EIPR1: variants seen among roughly 807,000 people sequenced by gnomAD.
EIPR1 encodes the protein EARP and GARP complex-interacting protein 1.
EIPR1 carries 25 observed loss-of-function variants against 48.1 expected under a neutral mutation model. The ratio of observed to expected loss-of-function variants is 0.52; its 90% CI spans 0.38 to 0.73. The LOEUF (loss-of-function observed/expected upper bound fraction) is 0.73. Ranked by LOEUF, EIPR1 falls within the 30% of genes least tolerant of loss-of-function variation. EIPR1 has a pLI of 0.00. For missense variants in EIPR1, 415 were observed against 506.2 expected (o/e 0.82, Z 1.73); for synonymous variants, 204 against 201.9 (o/e 1.01, Z -0.09).
At chr2:3,350,465 G>A (rs1194986712) in intron 2 of EIPR1, among the ~76,000 whole-genome samples, 1 of 152,100 alleles carries the variant, frequency 6.6e-6, no homozygotes, top group Non-Finnish European at 1.5e-5. Flanking sequence ...TGAGATTTGG[G>A]TATGGACACA....
In EIPR1 at chr2:3,189,524, G is replaced by A; in HGVS notation, c.990-16C>T. ...CTCCTTGCTCCTGCAATGCAACAGA[G>A]GCAGACGTGAGCGCAGCAGCTCCGG... is the stretch of plus-strand genomic sequence containing the variant. On this transcript the variant is annotated splice_polypyrimidine_tract_variant and intron_variant, in intron 8 of 8. Transcript: ENST00000382125. The surrounding 1 kb of genome is among the most constrained non-coding windows in gnomAD (Gnocchi z 4.6). 1.3e-6 allele frequency: 2 copies of A among 1,540,876 alleles called. No individual in the cohort carries two copies. Among genetic ancestry groups the A allele is most frequent in the Non-Finnish European group, 8.8e-7 (1 of 1,132,778 alleles).
chr2:3,354,621 T>C lies in EIPR1; in HGVS notation c.55A>G (p.Thr19Ala). The C allele has an allele frequency of 1.2e-6, 2 of 1,614,132 alleles. No homozygotes were observed. The highest frequency in any genetic ancestry group is 1.1e-5 in the South Asian group (1 of 91,080). The change falls in exon 2 of 9, where the codon ACA becomes GCA. Residue 19 changes from threonine to alanine, a missense_variant. Physicochemically the swap from Thr to Ala is moderately conservative, Grantham distance 58. Transcript: ENST00000382125. ...GCATCTGTTTCTGCAGTTTGAGGTG[T>C]TAAGGCACGTGCCTGCAGGAGGGAA... ...YGLEFQARAL[T>A]PQTAETDAIR... is the part of the protein sequence containing the mutation.
chr2:3,319,415 C>G (rs1013788788), intron 3 of EIPR1: 1 of 178,826 alleles, frequency 5.6e-6, no homozygotes, highest in Non-Finnish European at 1.2e-5. Flanking sequence ...CATGAGCACT[C>G]GATGGGAGCT....
At chr2:3,360,320 C>A (rs1670821822) in intron 1 of EIPR1, among the ~76,000 whole-genome samples, 1 of 151,692 alleles carries the variant, frequency 6.6e-6, no homozygotes, top group Non-Finnish European at 1.5e-5. Context: ...AGGAGAATTG[C>A]TTGAACCAGG....
chr2:3,348,811 C>A (rs1272004795), intron 2 of EIPR1, among the ~76,000 whole-genome samples: 2 of 152,244 alleles, frequency 1.3e-5, no homozygotes, highest in Non-Finnish European at 2.9e-5. Context: ...CCCAGGAGAG[C>A]TGGAGCTCCA....
At chr2:3,282,070 G>C (rs761031021) in intron 3 of EIPR1, among the ~76,000 whole-genome samples, 1 of 152,244 alleles carries the variant, frequency 6.6e-6, no homozygotes, top group Non-Finnish European at 1.5e-5. Context: ...TCACTGATGA[G>C]AGCCAGTTGG....
chr2:3,193,069 G>A (rs779614423), intron 7 of EIPR1, among the ~76,000 whole-genome samples: 3 of 152,180 alleles, frequency 2.0e-5, no homozygotes, highest in Admixed American at 2.0e-4. Context: ...GGGTCCTAGA[G>A]CCTGGGAGCT....
chr2:3,302,775 C>T (rs900478615), intron 3 of EIPR1, among the ~76,000 whole-genome samples: 1 of 152,214 alleles, frequency 6.6e-6, no homozygotes, highest in Admixed American at 6.5e-5. Flanking sequence ...TCCCATCAGA[C>T]GACAGGCTCC....
intron 3 of EIPR1, among the ~76,000 whole-genome samples, chr2:3,263,640 C>T (rs1034994428): frequency 4.5e-4 from 68 of 152,058 alleles, no homozygotes; most frequent in African/African-American, 1.6e-3. Context: ...GTGCGGCCAG[C>T]GCCCTCCCCA....
intron 4 of EIPR1, among the ~76,000 whole-genome samples, chr2:3,228,841 C>T (rs1666149967): frequency 6.6e-6 from 1 of 152,168 alleles, no homozygotes; most frequent in African/African-American, 2.4e-5. Flanking sequence ...GAAGAAGGTG[C>T]CTGCTTCTTC....
chr2:3,199,192 C>T (rs1039320361), intron 5 of EIPR1, among the ~76,000 whole-genome samples: 9 of 152,048 alleles, frequency 5.9e-5, no homozygotes, highest in Admixed American at 3.3e-4. Context: ...CTGTTCCACC[C>T]GGCTCCCAGG....
intron 3 of EIPR1, among the ~76,000 whole-genome samples, chr2:3,336,565 C>A (rs999935945): frequency 6.6e-6 from 1 of 152,062 alleles, no homozygotes; most frequent in Non-Finnish European, 1.5e-5. Flanking sequence ...GTCAAAAGTT[C>A]GAGACCAGCC....
chr2:3,371,751 A>G lies in EIPR1; in HGVS notation c.42+5897T>C, dbSNP rs552919936. On this transcript the variant is annotated intron_variant, in intron 1 of 8. Coordinates refer to ENST00000382125, the MANE Select transcript of EIPR1 (RefSeq NM_003310.5). ...ATAAAGTAAGTCCTGAGTGACCTAC[A>G]AAGAGACTTAGACTCCCACACAATA... Among the ~76,000 whole-genome samples, 4 of 152,306 alleles carry G rather than the reference A, an allele frequency of 2.6e-5. No individual in the cohort carries two copies. The South Asian group carries it at 8.3e-4, about 32-fold the overall frequency.
chr2:3,243,671 T>A (rs55800610), intron 4 of EIPR1, among the ~76,000 whole-genome samples: 10,169 of 152,102 alleles, frequency 0.067, 348 homozygotes, highest in African/African-American at 0.074. Context: ...AAATTTTTTT[T>A]AAAAATTTAA....
At chr2:3,246,981 G>GGAGGGAGGGAGGGAGA (rs1666836057) in intron 4 of EIPR1, among the ~76,000 whole-genome samples, 4 of 210 alleles carry the variant, frequency 0.019, no homozygotes, top group Non-Finnish European at 0.032. Context: ...AAGGAGGGAG[G>GGAGGGAGGGAGGGAGA]GAGGGAGGGA....
Position 3,208,532 on chromosome 2 carries a change from C to T in EIPR1, c.516+5617G>A, listed in dbSNP as rs754523505. 895 of 1,547,580 alleles carry T rather than the reference C, an allele frequency of 5.8e-4. 1 individual carries two copies. The highest frequency in any genetic ancestry group is 6.4e-4 in the Non-Finnish European group (728 of 1,144,562). On this transcript the variant is annotated intron_variant, in intron 5 of 8. Coordinates refer to ENST00000382125, the MANE Select transcript of EIPR1 (RefSeq NM_003310.5). ...GGTCTGTGTCTGATTAAAAGGACTA[C>T]TTAAAAATAGTGAGAAATGACCATT...
chr2:3,244,672 G>A (rs1279396648), intron 4 of EIPR1, among the ~76,000 whole-genome samples: 1 of 152,130 alleles, frequency 6.6e-6, no homozygotes, highest in Admixed American at 6.5e-5. Flanking sequence ...CCACGAAGAG[G>A]GGCCTCACCA....
Position 3,275,962 on chromosome 2 carries a change from C to T in EIPR1, c.260-18507G>A, listed in dbSNP as rs564821703. On this transcript the variant is annotated intron_variant, in intron 3 of 8. Transcript: ENST00000382125. The stretch of plus-strand genomic sequence containing the variant: ...GGCAGAACAAAAAGAGAACTCAAGG[C>T]TTTGGACTCAAAGTCGACTGTATTT... Among the ~76,000 whole-genome samples, 3 of 152,294 alleles carry T rather than the reference C, an allele frequency of 2.0e-5. No homozygotes were observed. In the East Asian group the frequency reaches 5.8e-4, roughly 29 times the overall value.
chr2:3,192,875 A>G (rs1408658148), intron 7 of EIPR1, among the ~76,000 whole-genome samples: 2 of 152,184 alleles, frequency 1.3e-5, no homozygotes, highest in African/African-American at 4.8e-5. Flanking sequence ...AATTCGAAAA[A>G]AAAAAAAAAA....
Sources: gnomAD v4.1 joint callset for allele counts (sites outside exome capture counted in the v4.1 genomes callset) on GRCh38, gnomAD v4.1.1 for gene constraint, Gnocchi (gnomAD v3.1) non-coding constraint, MANE v1.5 for transcripts, NCBI Gene and HGNC (gene_info 2026-07-23, HGNC 2026-07-21) for gene names.